Variants in ZFYVE1 observed in about 807,000 individuals in gnomAD.
ZFYVE1 encodes the protein zinc finger FYVE domain-containing protein 1.
In ZFYVE1, 30 loss-of-function variants were observed where a neutral mutation model predicts 74.4. That is an observed-to-expected ratio of 0.40 (90% CI 0.30 to 0.55). ZFYVE1 has a LOEUF of 0.55. ZFYVE1 is among the 20% of genes least tolerant of loss of function. The pLI is 0.42. For missense variants in ZFYVE1, 703 were observed against 1,011.6 expected (o/e 0.69, Z 4.14); for synonymous variants, 335 against 385.1 (o/e 0.87, Z 1.52).
intron 10 of ZFYVE1, 38 bp downstream of exon 10, chr14:72,974,741 C>A: frequency 6.4e-7 from 1 of 1,564,866 alleles, no homozygotes; most frequent in Non-Finnish European, 8.7e-7. Flanking sequence ...GTGGGAGGTT[C>A]TCCCCTCCAC....
chr14:73,003,057 T>TTC (rs199928101), intron 2 of ZFYVE1, among the ~76,000 whole-genome samples: 4,593 of 137,984 alleles, frequency 0.033, 224 homozygotes, highest in African/African-American at 0.12. Context: ...TTCTTTTCTT[T>TTC]TTTTTTTTTT....
intron 2 of ZFYVE1, among the ~76,000 whole-genome samples, chr14:73,002,898 C>T (rs1273749709): frequency 1.1e-4 from 17 of 151,234 alleles, no homozygotes; most frequent in East Asian, 1.9e-4. Context: ...CCCGCCACCA[C>T]GCCCGGCTAA....
At chr14:72,972,835 G>T (rs1413130747) in intron 11 of ZFYVE1, among the ~76,000 whole-genome samples, 1 of 151,706 alleles carries the variant, frequency 6.6e-6, no homozygotes, top group Non-Finnish European at 1.5e-5. Flanking sequence ...AGCCTCCCTA[G>T]TAGCTGGGAC....
chr14:73,014,333 G>T (rs142515402), intron 2 of ZFYVE1, among the ~76,000 whole-genome samples: 19 of 152,270 alleles, frequency 1.2e-4, no homozygotes, highest in Non-Finnish European at 2.5e-4. Flanking sequence ...ACATAATAGG[G>T]TTTCTTTCAT....
chr14:72,982,190 T>C (rs889969215), intron 4 of ZFYVE1, among the ~76,000 whole-genome samples: 1 of 152,056 alleles, frequency 6.6e-6, no homozygotes, highest in African/African-American at 2.4e-5. Context: ...CCACCACAAA[T>C]AATGATGAAT....
chr14:72,984,608 A>T (rs1893431026), intron 4 of ZFYVE1, among the ~76,000 whole-genome samples: 2 of 152,046 alleles, frequency 1.3e-5, no homozygotes, highest in Admixed American at 1.3e-4. Context: ...AATAAATGAG[A>T]AGCAGGGCAA....
At chr14:72,985,498 AT>A (rs558711759) in intron 4 of ZFYVE1, among the ~76,000 whole-genome samples, 280 of 145,280 alleles carry the variant, frequency 1.9e-3, no homozygotes, top group Non-Finnish European at 1.5e-3. Flanking sequence ...TGTATGGATA[AT>A]TTTTTTTTTT....
intron 2 of ZFYVE1, among the ~76,000 whole-genome samples, chr14:73,011,412 G>A (rs1443461600): frequency 6.6e-6 from 1 of 152,130 alleles, no homozygotes; most frequent in Non-Finnish European, 1.5e-5. Context: ...GCTTGAGCCA[G>A]GGAGGCGGAG....
intron 2 of ZFYVE1, among the ~76,000 whole-genome samples, chr14:72,999,802 G>A (rs1389376858): frequency 1.3e-5 from 2 of 152,314 alleles, no homozygotes; most frequent in East Asian, 3.9e-4. Flanking sequence ...GCTCATGTCT[G>A]TAATCTCAGC....
At position 72,970,973 on chromosome 14, in the gene ZFYVE1, C is replaced by T; in HGVS notation, c.2243G>A (p.Cys748Tyr). ...RACGQGFCDE[C>Y]SHDRRAVPSR... is the part of the protein sequence containing the mutation. ...AGGAACAGCCCGGCGGTCATGGGAG[C>T]ACTCATCACAGAAGCCCTGTCCGCA... Residue 748 changes from cysteine (C) to tyrosine (Y), a missense_variant, in exon 12 of 12, where the codon TGC becomes TAC. By Grantham distance (194) the Cys-to-Tyr change is radical. This residue lies in a region of ZFYVE1 where 492 missense variants were observed against 790.0 expected (regional missense o/e 0.62). Coordinates refer to ENST00000556143, the MANE Select transcript of ZFYVE1 (RefSeq NM_021260.4). 2 of 1,614,240 alleles carry T rather than the reference C, an allele frequency of 1.2e-6. No homozygotes were observed. Among genetic ancestry groups the T allele is most frequent in the Non-Finnish European group, 1.7e-6 (2 of 1,180,042 alleles).
chr14:72,985,717 A>G (rs894330801), intron 4 of ZFYVE1, among the ~76,000 whole-genome samples: 1 of 152,068 alleles, frequency 6.6e-6, no homozygotes, highest in African/African-American at 2.4e-5. Flanking sequence ...TACAGAAGGT[A>G]TAGAGAACAC....
rs369030778 is a variant in ZFYVE1, at chr14:72,990,689, C to CTTTTTTTTT, written c.1203+2445_1203+2453dup. 6.0e-5 allele frequency among the ~76,000 whole-genome samples: 4 copies of CTTTTTTTTT among 66,708 alleles called. 1 individual carries two copies. The highest frequency in any genetic ancestry group is 8.3e-5 in the Non-Finnish European group (3 of 36,180). 43.8% of individuals were successfully genotyped at this position (66,708 alleles called of 152,430 possible). On this transcript the variant is annotated intron_variant, in intron 4 of 11. Transcript: ENST00000556143. ...AAGGGCGTGAGCCACCGCACCTGGCCTTTTTTTTTTTTTTTTTTTTTTTTT... is the reference window on the plus strand; with the variant it reads ...AAGGGCGTGAGCCACCGCACCTGGCCTTTTTTTTTTTTTTTTTTTTTTTTTTTTTTTTTT...
chr14:72,971,807 C>T (rs1173350231), intron 11 of ZFYVE1, among the ~76,000 whole-genome samples: 1 of 152,164 alleles, frequency 6.6e-6, no homozygotes, highest in Non-Finnish European at 1.5e-5. Context: ...TCCTTGTAAA[C>T]TGAAGGGGCA....
At position 72,998,255 on chromosome 14, in the gene ZFYVE1, C is replaced by G; in HGVS notation, c.544G>C (p.Val182Leu). Residue 182 changes from valine (V) to leucine (L), a missense_variant, in exon 3 of 12, where the codon GTG becomes CTG. This residue lies in a region of ZFYVE1 where 211 missense variants were observed against 221.7 expected (regional missense o/e 0.95). Coordinates refer to ENST00000556143, the MANE Select transcript of ZFYVE1 (RefSeq NM_021260.4). Reference sequence around the variant, plus strand: ...CCAGTATTTCCAAAAATGGAAACCACTTTCAGATGCTGATCAGGTTTGCAG... The same window carrying G: ...CCAGTATTTCCAAAAATGGAAACCAGTTTCAGATGCTGATCAGGTTTGCAG... ...LDCKPDQHLKVVSIFGNTGDG... is the reference protein window; with the variant it reads ...LDCKPDQHLKLVSIFGNTGDG... 1.9e-6 allele frequency: 3 copies of G among 1,591,276 alleles called. No individual in the cohort carries two copies. Among genetic ancestry groups the G allele is most frequent in the Non-Finnish European group, 2.6e-6 (3 of 1,167,424 alleles).
chr14:73,013,605 A>G (rs904531182), intron 2 of ZFYVE1, among the ~76,000 whole-genome samples: 3 of 152,030 alleles, frequency 2.0e-5, no homozygotes, highest in African/African-American at 7.2e-5. Flanking sequence ...ATCTCAAAAA[A>G]AAAAAGAAAA....
At chr14:73,012,931 A>G (rs931311076) in intron 2 of ZFYVE1, among the ~76,000 whole-genome samples, 5 of 152,178 alleles carry the variant, frequency 3.3e-5, no homozygotes, top group Non-Finnish European at 7.3e-5. Context: ...GGATTGAGCT[A>G]GAAAGTAGAG....
intron 2 of ZFYVE1, among the ~76,000 whole-genome samples, chr14:73,004,330 C>G (rs1274877590): frequency 6.6e-6 from 1 of 152,096 alleles, no homozygotes; most frequent in Non-Finnish European, 1.5e-5. Flanking sequence ...TGTCGCGACT[C>G]TTTACAAACA....
chr14:72,977,875 A>C (rs1417268087), intron 8 of ZFYVE1, 52 bp downstream of exon 8: 2 of 1,585,314 alleles, frequency 1.3e-6, no homozygotes, highest in Non-Finnish European at 1.7e-6. Context: ...ATACACATGA[A>C]AAACTGAACG....
chr14:72,998,061 T>G lies in ZFYVE1; in HGVS notation c.738A>C (p.Leu246=). The G allele has an allele frequency of 6.2e-7, 1 of 1,614,098 alleles. No homozygotes were observed. The highest frequency in any genetic ancestry group is 8.5e-7 in the Non-Finnish European group (1 of 1,180,016). The change falls in exon 3 of 12, where the codon CTA becomes CTC. Residue 246 remains leucine (L), a synonymous_variant. Coordinates refer to ENST00000556143, the MANE Select transcript of ZFYVE1 (RefSeq NM_021260.4). ...TEGLLGATVN[L]SQRTRLLLKV... The stretch of plus-strand genomic sequence containing the variant: ...TAAGCAGCAGCCGTGTTCTCTGGCT[T>G]AGATTCACGGTGGCCCCCAGGAGCC...
Sources: allele counts gnomAD v4.1 joint callset (sites outside exome capture counted in the v4.1 genomes callset), GRCh38; gene constraint gnomAD v4.1.1; regional missense constraint gnomAD v4.1.1; transcripts MANE v1.5; gene names NCBI Gene and HGNC (gene_info 2026-07-23, HGNC 2026-07-21).